Variants in EPHA5 observed in about 807,000 individuals in gnomAD.
EPHA5 encodes EPH receptor A5, also known as ephrin type-A receptor 5.
In EPHA5, 60 loss-of-function variants were observed where a neutral mutation model predicts 105.0. The ratio of observed to expected loss-of-function variants is 0.57; its 90% CI spans 0.46 to 0.71. The LOEUF is 0.71. Ranked by LOEUF, EPHA5 falls within the 30% of genes least tolerant of loss-of-function variation. The probability of loss-of-function intolerance (pLI) is 0.00; values close to 1 mark genes in which losing one functional copy is unlikely to be tolerated. For synonymous variants in EPHA5, 513 were observed against 449.1 expected (o/e 1.14, Z -1.80); for missense variants, 1,218 against 1,274.7 (o/e 0.96, Z 0.68).
At chr4:65,666,812 T>C (rs577867214) in intron 1 of EPHA5, among the ~76,000 whole-genome samples, 2 of 152,206 alleles carry the variant, frequency 1.3e-5, no homozygotes, top group African/African-American at 2.4e-5. Context: ...TTCATATCAG[T>C]CCAAAATTCC....
chr4:65,574,627 CACATATATATATACACATATATAT>C, intron 3 of EPHA5, among the ~76,000 whole-genome samples: 1 of 85,262 alleles, frequency 1.2e-5, no homozygotes, highest in Non-Finnish European at 2.8e-5. Flanking sequence ...TATATATATA[CACATATATATATACACATATATAT>C]ACACATATAT....
chr4:65,480,868 T>TTAATAATAA (rs36050106), intron 5 of EPHA5, among the ~76,000 whole-genome samples: 161 of 149,568 alleles, frequency 1.1e-3, no homozygotes, highest in East Asian at 3.0e-3. Context: ...AATACAAACA[T>TTAATAATAA]TAATAATAAT....
At chr4:65,563,408 C>T (rs987272985) in intron 3 of EPHA5, among the ~76,000 whole-genome samples, 2 of 152,032 alleles carry the variant, frequency 1.3e-5, no homozygotes, top group East Asian at 3.9e-4. Flanking sequence ...ATCCTTCAAT[C>T]ACAGCACACA....
At chr4:65,548,468 G>A (rs1190347402) in intron 3 of EPHA5, among the ~76,000 whole-genome samples, 1 of 151,806 alleles carries the variant, frequency 6.6e-6, no homozygotes, top group Admixed American at 6.6e-5. Flanking sequence ...ACCTCTAATT[G>A]TCACAGAAAG....
chr4:65,519,414 C>T (rs1041079054), intron 3 of EPHA5, among the ~76,000 whole-genome samples: 1 of 152,116 alleles, frequency 6.6e-6, no homozygotes, highest in East Asian at 1.9e-4. Flanking sequence ...AACCCACAGC[C>T]AATATCATAC....
intron 10 of EPHA5, among the ~76,000 whole-genome samples, 185 bp downstream of exon 10, chr4:65,365,747 A>G (rs111720165): frequency 6.8e-6 from 1 of 146,606 alleles, no homozygotes; most frequent in African/African-American, 2.5e-5. Context: ...TATAAACCAG[A>G]TATTTGCTGG....
At chr4:65,527,774 G>A (rs1430027180) in intron 3 of EPHA5, among the ~76,000 whole-genome samples, 1 of 152,066 alleles carries the variant, frequency 6.6e-6, no homozygotes, top group East Asian at 1.9e-4. Context: ...CTATCGTACA[G>A]GTCATTTCAT....
intron 3 of EPHA5, among the ~76,000 whole-genome samples, chr4:65,526,902 C>T (rs67847676): frequency 0.31 from 46,474 of 151,692 alleles, 7,902 homozygotes; most frequent in Middle Eastern, 0.44. Flanking sequence ...TTCCAAATCA[C>T]ATTAACAGAA....
rs77702056 is a variant in EPHA5 at position 65,376,304 on chromosome 4, C to G, written c.1794-8880G>C. Reference sequence around the variant, plus strand: ...AAATTATCTGGAGTATTTCACTTTTCACAAAGTAGCTCCCATTGTGTAGGA... The same window carrying G: ...AAATTATCTGGAGTATTTCACTTTTGACAAAGTAGCTCCCATTGTGTAGGA... On this transcript the variant is annotated intron_variant, in intron 8 of 16. Transcript: ENST00000613740. 8.0e-3 allele frequency among the ~76,000 whole-genome samples: 1,213 copies of G among 152,116 alleles called. 12 individuals carry two copies. The highest frequency in any genetic ancestry group is 0.027 in the African/African-American group (1,134 of 41,538).
intron 3 of EPHA5, among the ~76,000 whole-genome samples, chr4:65,541,042 C>T (rs1736779629): frequency 6.6e-6 from 1 of 151,184 alleles, no homozygotes; most frequent in Admixed American, 6.6e-5. Flanking sequence ...TCTGTCTGCA[C>T]CTCCCTCCCT....
intron 5 of EPHA5, among the ~76,000 whole-genome samples, chr4:65,451,050 G>A (rs1727018000): frequency 6.6e-6 from 1 of 152,080 alleles, no homozygotes; most frequent in African/African-American, 2.4e-5. Flanking sequence ...ACCTTCTAAT[G>A]ATACTTCAAA....
intron 5 of EPHA5, among the ~76,000 whole-genome samples, chr4:65,464,533 G>T (rs1338736565): frequency 6.6e-6 from 1 of 152,008 alleles, no homozygotes; most frequent in Non-Finnish European, 1.5e-5. Flanking sequence ...CAGTAATTTT[G>T]ATGTAACAAC....
intron 3 of EPHA5, among the ~76,000 whole-genome samples, chr4:65,568,019 T>C (rs4860687): frequency 0.36 from 54,931 of 150,862 alleles, 10,372 homozygotes; most frequent in East Asian, 0.51. Flanking sequence ...TCATGAATAA[T>C]AGAAATTGAA....
chr4:65,334,251 C>A (rs1181792810), intron 15 of EPHA5, among the ~76,000 whole-genome samples: 1 of 151,884 alleles, frequency 6.6e-6, no homozygotes, highest in Admixed American at 6.6e-5. Flanking sequence ...CAGCATGACC[C>A]AGAGTATAAA....
intron 8 of EPHA5, among the ~76,000 whole-genome samples, chr4:65,380,125 T>C (rs1321745717): frequency 6.6e-6 from 1 of 151,818 alleles, no homozygotes; most frequent in Non-Finnish European, 1.5e-5. Flanking sequence ...CAATCTTATC[T>C]GTGAGCTCTG....
chr4:65,445,540 A>C (rs754027647), intron 5 of EPHA5, among the ~76,000 whole-genome samples: 12 of 152,074 alleles, frequency 7.9e-5, no homozygotes, highest in Non-Finnish European at 1.6e-4. Flanking sequence ...TTATAAAGAA[A>C]ATTTATCATC....
At chr4:65,372,519 CATAG>C (rs1192969564) in intron 8 of EPHA5, among the ~76,000 whole-genome samples, 1 of 151,740 alleles carries the variant, frequency 6.6e-6, no homozygotes, top group Non-Finnish European at 1.5e-5. Flanking sequence ...TTGGGTTCTT[CATAG>C]ATAGATTTAA....
Position 65,381,841 on chromosome 4 carries a change from T to A in EPHA5, c.1794-14417A>T, listed in dbSNP as rs115578469. Reference sequence around the variant, plus strand: ...AATTCCCTTGTCCCTTCCCTCCATATAAAGACACAGCAAGAAGGCAACCTT... The same window carrying A: ...AATTCCCTTGTCCCTTCCCTCCATAAAAAGACACAGCAAGAAGGCAACCTT... On this transcript the variant is annotated intron_variant, in intron 8 of 16. Transcript: ENST00000613740. 2.6e-3 allele frequency among the ~76,000 whole-genome samples: 400 copies of A among 151,826 alleles called. 3 individuals carry two copies. Among genetic ancestry groups the A allele is most frequent in the African/African-American group, 8.8e-3 (364 of 41,482 alleles).
At chr4:65,345,126 T>C (rs1347954050) in intron 14 of EPHA5, among the ~76,000 whole-genome samples, 1 of 152,148 alleles carries the variant, frequency 6.6e-6, no homozygotes, top group East Asian at 1.9e-4. Flanking sequence ...TAACAGGAAT[T>C]GAATGACACA....
Sources: gnomAD v4.1 joint callset for allele counts (sites outside exome capture counted in the v4.1 genomes callset) on GRCh38, gnomAD v4.1.1 for gene constraint, MANE v1.5 for transcripts, NCBI Gene and HGNC (gene_info 2026-07-23, HGNC 2026-07-21) for gene names.